OR6Q1: variants seen among roughly 807,000 people sequenced by gnomAD.
OR6Q1 encodes the protein olfactory receptor 6Q1.
For missense variants in OR6Q1, 387 were observed against 381.7 expected (o/e 1.01, Z -0.12); for synonymous variants, 144 against 148.9 (o/e 0.97, Z 0.24).
Position 58,031,671 on chromosome 11 carries a change from A to C in OR6Q1, c.719A>C (p.Lys240Thr). 6.2e-7 allele frequency: 1 copy of C among 1,613,842 alleles called. No homozygotes were observed. Among genetic ancestry groups the C allele is most frequent in the Non-Finnish European group, 8.5e-7 (1 of 1,179,828 alleles). ...LHIRSAAERW[K>T]AFSTCAAHLT... is the part of the protein sequence containing the mutation. Reference sequence around the variant, plus strand: ...ATCCGCTCAGCTGCTGAGCGCTGGAAGGCCTTCTCTACCTGTGCAGCTCAC... The same window carrying C: ...ATCCGCTCAGCTGCTGAGCGCTGGACGGCCTTCTCTACCTGTGCAGCTCAC... Residue 240 changes from lysine to threonine, a missense_variant, in exon 1 of 1, where the codon AAG becomes ACG. Coordinates refer to ENST00000302622, the MANE Select transcript of OR6Q1 (RefSeq NM_001005186.2).
chr11:58,031,102 G>A lies in OR6Q1; in HGVS notation c.150G>A (p.Val50=), dbSNP rs1853028542. ...TGGAGAATTTGGCCATCATTTTAGT[G>A]GTGGGTTTGGACCACCGACTACGGA... ...TLVENLAIIL[V]VGLDHRLRRP... Residue 50 remains valine (V), a synonymous_variant, in exon 1 of 1, where the codon GTG becomes GTA. Coordinates refer to ENST00000302622, the MANE Select transcript of OR6Q1 (RefSeq NM_001005186.2). The A allele has an allele frequency of 6.2e-7, 1 of 1,613,972 alleles. No homozygotes were observed. Among genetic ancestry groups the A allele is most frequent in the Admixed American group, 1.7e-5 (1 of 59,982 alleles).
At position 58,031,423 on chromosome 11, in the gene OR6Q1, C is replaced by T; in HGVS notation, c.471C>T (p.Phe157=). Residue 157 remains phenylalanine (F), a synonymous_variant, in exon 1 of 1, where the codon TTC becomes TTT. Transcript: ENST00000302622. ...CAGCTGCCTGTTGGCTGGTAGGTTT[C>T]CTCACACCCATCTTGCCAATCTACC... ...RLAAACWLVG[F]LTPILPIYLL... is the part of the protein sequence containing the mutation. The T allele has an allele frequency of 1.9e-6, 3 of 1,614,158 alleles. No homozygotes were observed. Among genetic ancestry groups the T allele is most frequent in the Non-Finnish European group, 2.5e-6 (3 of 1,180,010 alleles).
chr11:58,031,812 C>G lies in OR6Q1; in HGVS notation c.860C>G (p.Pro287Arg), dbSNP rs1853043885. 2 of 1,614,108 alleles carry G rather than the reference C, an allele frequency of 1.2e-6. No individual in the cohort carries two copies. The highest frequency in any genetic ancestry group is 1.7e-6 in the Non-Finnish European group (2 of 1,179,950). ...TCTGTCTTCTACTCTGTTGTCACGC[C>G]CATGCTCAATCCTCTCATCTACAGT... ...VVSVFYSVVT[P>R]MLNPLIYSLR... Residue 287 changes from proline (P) to arginine (R), a missense_variant, in exon 1 of 1, where the codon CCC becomes CGC. Pro to Arg is a moderately radical substitution (Grantham distance 103). Transcript: ENST00000302622.
At position 58,031,141 on chromosome 11, in the gene OR6Q1, CT is replaced by C. The variant is rs1194579464; in HGVS notation, c.191del (p.Phe64SerfsTer2). ...ACCGACTACGGAGACCCATGTATTTCTTCCTGACACACTTGTCCTGCCTTGA... is the reference window on the plus strand; with the variant it reads ...ACCGACTACGGAGACCCATGTATTTCTCCTGACACACTTGTCCTGCCTTGA... ...DHRLRRPMYF[F>X]LTHLSCLEIW... is the part of the protein sequence containing the mutation. On this transcript the variant is annotated frameshift_variant, in exon 1 of 1. Coordinates refer to ENST00000302622, the MANE Select transcript of OR6Q1 (RefSeq NM_001005186.2). LOFTEE classifies it low-confidence loss of function (END_TRUNC). 1.2e-6 allele frequency: 2 copies of C among 1,614,108 alleles called. No homozygotes were observed. Among genetic ancestry groups the C allele is most frequent in the African/African-American group, 1.3e-5 (1 of 74,938 alleles).
Position 58,031,827 on chromosome 11 carries a change from T to C in OR6Q1, c.875T>C (p.Leu292Pro). ...YSVVTPMLNP[L>P]IYSLRNKEVK... is the part of the protein sequence containing the mutation. Reference sequence around the variant, plus strand: ...GTTGTCACGCCCATGCTCAATCCTCTCATCTACAGTCTTAGGAACAAGGAA... The same window carrying C: ...GTTGTCACGCCCATGCTCAATCCTCCCATCTACAGTCTTAGGAACAAGGAA... The change falls in exon 1 of 1, where the codon CTC becomes CCC. Residue 292 changes from leucine to proline, a missense_variant. Transcript: ENST00000302622. 1.2e-6 allele frequency: 2 copies of C among 1,614,136 alleles called. No individual in the cohort carries two copies. The highest frequency in any genetic ancestry group is 2.7e-5 in the African/African-American group (2 of 75,046).
Position 58,031,179 on chromosome 11 carries a change from C to G in OR6Q1, c.227C>G (p.Thr76Ser), listed in dbSNP as rs758879592. ...TTGTCCTGCCTTGAAATCTGGTACACTTCTGTTACAGTGCCCAAGATGCTG... is the reference window on the plus strand; with the variant it reads ...TTGTCCTGCCTTGAAATCTGGTACAGTTCTGTTACAGTGCCCAAGATGCTG... ...THLSCLEIWY[T>S]SVTVPKMLAG... Residue 76 changes from threonine to serine, a missense_variant, in exon 1 of 1, where the codon ACT (threonine) becomes AGT (serine). Physicochemically the swap from Thr to Ser is moderately conservative, Grantham distance 58. Coordinates refer to ENST00000302622, the MANE Select transcript of OR6Q1 (RefSeq NM_001005186.2). 6.2e-7 allele frequency: 1 copy of G among 1,614,150 alleles called. No homozygotes were observed. The highest frequency in any genetic ancestry group is 1.7e-5 in the Admixed American group (1 of 60,020).
At position 58,031,590 on chromosome 11, in the gene OR6Q1, C is replaced by G. The variant is rs763224776; in HGVS notation, c.638C>G (p.Ala213Gly). 6.2e-7 allele frequency: 1 copy of G among 1,614,044 alleles called. No individual in the cohort carries two copies. The highest frequency in any genetic ancestry group is 1.1e-5 in the South Asian group (1 of 91,082). Residue 213 changes from alanine to glycine, a missense_variant, in exon 1 of 1, where the codon GCC becomes GGC. Coordinates refer to ENST00000302622, the MANE Select transcript of OR6Q1 (RefSeq NM_001005186.2). The part of the protein sequence containing the change: ...DFLVSLAVLL[A>G]SSMVIAVSYG... The stretch of plus-strand genomic sequence containing the variant: ...CTGGTGTCTCTGGCTGTGCTACTGG[C>G]CTCCTCTATGGTCATTGCTGTGTCC...
rs748995189 is a variant in OR6Q1, at chr11:58,031,510, A to G, written c.558A>G (p.Ser186=). The G allele has an allele frequency of 9.3e-5, 150 of 1,613,740 alleles. No homozygotes were observed. Among genetic ancestry groups the G allele is most frequent in the Non-Finnish European group, 1.3e-4 (148 of 1,179,974 alleles). The change falls in exon 1 of 1, where the codon TCA becomes TCG. Residue 186 remains serine, a synonymous_variant. Transcript: ENST00000302622. ...TTGACCATTTCTCCTGTGATGCCTCACCCTTGCTAGCCTTGTCGTGCTCAG... is the reference window on the plus strand; with the variant it reads ...TTGACCATTTCTCCTGTGATGCCTCGCCCTTGCTAGCCTTGTCGTGCTCAG... ...NVIDHFSCDA[S]PLLALSCSDV...
chr11:58,031,764 C>T lies in OR6Q1; in HGVS notation c.812C>T (p.Ser271Phe). Residue 271 changes from serine to phenylalanine, a missense_variant, in exon 1 of 1, where the codon TCC becomes TTC. Ser to Phe is a radical substitution (Grantham distance 155). Transcript: ENST00000302622. The stretch of plus-strand genomic sequence containing the variant: ...TATGTCCAGACCAAGGTGACCTCCT[C>T]CATCAACTTCAACAAGGTGGTATCT... ...FMYVQTKVTS[S>F]INFNKVVSVF... The T allele has an allele frequency of 1.2e-6, 2 of 1,614,044 alleles. No individual in the cohort carries two copies. Among genetic ancestry groups the T allele is most frequent in the Non-Finnish European group, 1.7e-6 (2 of 1,179,920 alleles).
At position 58,031,169 on chromosome 11, in the gene OR6Q1, A is replaced by G. The variant is rs374710133; in HGVS notation, c.217A>G (p.Ile73Val). 128 of 1,614,066 alleles carry G rather than the reference A, an allele frequency of 7.9e-5. No individual in the cohort carries two copies. Among genetic ancestry groups the G allele is most frequent in the Non-Finnish European group, 1.1e-4 (124 of 1,180,026 alleles). The change falls in exon 1 of 1, where the codon ATC (isoleucine) becomes GTC (valine). Residue 73 changes from isoleucine (I) to valine (V), a missense_variant. Coordinates refer to ENST00000302622, the MANE Select transcript of OR6Q1 (RefSeq NM_001005186.2). ...CCTGACACACTTGTCCTGCCTTGAAATCTGGTACACTTCTGTTACAGTGCC... is the reference window on the plus strand; with the variant it reads ...CCTGACACACTTGTCCTGCCTTGAAGTCTGGTACACTTCTGTTACAGTGCC... ...FFLTHLSCLE[I>V]WYTSVTVPKM...
rs780999811 is a variant in OR6Q1, at chr11:58,031,643, C to T, written c.691C>T (p.His231Tyr). 4.3e-6 allele frequency: 7 copies of T among 1,613,792 alleles called. No individual in the cohort carries two copies. Among genetic ancestry groups the T allele is most frequent in the Non-Finnish European group, 5.9e-6 (7 of 1,179,824 alleles). ...SYGNIVWTLL[H>Y]IRSAAERWKA... ...TGGCAACATCGTCTGGACACTGCTG[C>T]ACATCCGCTCAGCTGCTGAGCGCTG... The change falls in exon 1 of 1, where the codon CAC becomes TAC. Residue 231 changes from histidine (H) to tyrosine (Y), a missense_variant. Coordinates refer to ENST00000302622, the MANE Select transcript of OR6Q1 (RefSeq NM_001005186.2).
At position 58,031,630 on chromosome 11, in the gene OR6Q1, C is replaced by T; in HGVS notation, c.678C>T (p.Val226=). Residue 226 remains valine, a synonymous_variant, in exon 1 of 1, where the codon GTC becomes GTT. Coordinates refer to ENST00000302622, the MANE Select transcript of OR6Q1 (RefSeq NM_001005186.2). ...MVIAVSYGNI[V]WTLLHIRSAA... ...TTGCTGTGTCCTATGGCAACATCGT[C>T]TGGACACTGCTGCACATCCGCTCAG... 1.2e-6 allele frequency: 2 copies of T among 1,608,652 alleles called. No individual in the cohort carries two copies. Among genetic ancestry groups the T allele is most frequent in the Non-Finnish European group, 1.7e-6 (2 of 1,177,084 alleles).
Position 58,031,334 on chromosome 11 carries a change from G to A in OR6Q1, c.382G>A (p.Val128Met), listed in dbSNP as rs772853912. ...LLAAMAYDRY[V>M]AICMPLHYGA... Reference sequence around the variant, plus strand: ...GGCTGCCATGGCCTATGATCGTTATGTGGCCATTTGTATGCCTCTCCACTA... The same window carrying A: ...GGCTGCCATGGCCTATGATCGTTATATGGCCATTTGTATGCCTCTCCACTA... Residue 128 changes from valine (V) to methionine (M), a missense_variant, in exon 1 of 1, where the codon GTG (valine) becomes ATG (methionine). Val to Met is a conservative substitution (Grantham distance 21, BLOSUM62 1). Transcript: ENST00000302622. The A allele has an allele frequency of 6.2e-7, 1 of 1,614,148 alleles. No individual in the cohort carries two copies. Among genetic ancestry groups the A allele is most frequent in the East Asian group, 2.2e-5 (1 of 44,878 alleles).
Position 58,031,186 on chromosome 11 carries a change from T to C in OR6Q1, c.234T>C (p.Val78=), listed in dbSNP as rs911858939. ...LSCLEIWYTS[V]TVPKMLAGFI... ...GCCTTGAAATCTGGTACACTTCTGT[T>C]ACAGTGCCCAAGATGCTGGCTGGTT... The change falls in exon 1 of 1, where the codon GTT becomes GTC. Residue 78 remains valine (V), a synonymous_variant. Transcript: ENST00000302622. The C allele has an allele frequency of 6.2e-7, 1 of 1,614,048 alleles. No individual in the cohort carries two copies. Among genetic ancestry groups the C allele is most frequent in the African/African-American group, 1.3e-5 (1 of 74,938 alleles).
Position 58,031,711 on chromosome 11 carries a change from C to G in OR6Q1, c.759C>G (p.Ser253Arg). The G allele has an allele frequency of 2.5e-6, 4 of 1,613,838 alleles. No individual in the cohort carries two copies. Among genetic ancestry groups the G allele is most frequent in the Non-Finnish European group, 3.4e-6 (4 of 1,179,920 alleles). The change falls in exon 1 of 1, where the codon AGC (serine) becomes AGG (arginine). Residue 253 changes from serine to arginine, a missense_variant. Transcript: ENST00000302622. ...STCAAHLTVV[S>R]LFYGTLFFMY... ...GTGCAGCTCACCTGACTGTGGTGAG[C>G]CTCTTCTATGGCACTCTTTTCTTTA...
Position 58,031,627 on chromosome 11 carries a change from C to G in OR6Q1, c.675C>G (p.Ile225Met). 1 of 1,608,686 alleles carries G rather than the reference C, an allele frequency of 6.2e-7. No individual in the cohort carries two copies. Among genetic ancestry groups the G allele is most frequent in the African/African-American group, 1.4e-5 (1 of 73,676 alleles). Residue 225 changes from isoleucine to methionine, a missense_variant, in exon 1 of 1, where the codon ATC becomes ATG. Coordinates refer to ENST00000302622, the MANE Select transcript of OR6Q1 (RefSeq NM_001005186.2). ...SMVIAVSYGN[I>M]VWTLLHIRSA... The stretch of plus-strand genomic sequence containing the variant: ...TCATTGCTGTGTCCTATGGCAACAT[C>G]GTCTGGACACTGCTGCACATCCGCT...
Position 58,031,454 on chromosome 11 carries a change from T to TC in OR6Q1, c.503dup (p.Gln169SerfsTer11). ...ACCCATCTTGCCAATCTACCTCTTGTCTCAGCTAACATTTTATGGCCCAAA... is the reference window on the plus strand; with the variant it reads ...ACCCATCTTGCCAATCTACCTCTTGTCCTCAGCTAACATTTTATGGCCCAAA... On this transcript the variant is annotated frameshift_variant, in exon 1 of 1. Transcript: ENST00000302622. LOFTEE classifies it low-confidence loss of function (END_TRUNC). 6.2e-7 allele frequency: 1 copy of TC among 1,614,170 alleles called. No individual in the cohort carries two copies. Among genetic ancestry groups the TC allele is most frequent in the Non-Finnish European group, 8.5e-7 (1 of 1,180,016 alleles).
rs778531348 is a variant in OR6Q1 at position 58,031,737 on chromosome 11, T to C, written c.785T>C (p.Met262Thr). The C allele has an allele frequency of 9.3e-6, 15 of 1,614,026 alleles. No homozygotes were observed. Among genetic ancestry groups the C allele is most frequent in the African/African-American group, 1.3e-5 (1 of 74,936 alleles). ...VSLFYGTLFFMYVQTKVTSSI... is the reference protein window; with the variant it reads ...VSLFYGTLFFTYVQTKVTSSI... ...CTCTTCTATGGCACTCTTTTCTTTA[T>C]GTATGTCCAGACCAAGGTGACCTCC... The change falls in exon 1 of 1, where the codon ATG becomes ACG. Residue 262 changes from methionine (M) to threonine (T), a missense_variant. Physicochemically the swap from Met to Thr is moderately conservative, Grantham distance 81. Coordinates refer to ENST00000302622, the MANE Select transcript of OR6Q1 (RefSeq NM_001005186.2).
rs1043342579 is a variant in OR6Q1 at position 58,031,637 on chromosome 11, C to T, written c.685C>T (p.Leu229=). 9.2e-7 allele frequency: 1 copy of T among 1,082,434 alleles called. No individual in the cohort carries two copies. The highest frequency in any genetic ancestry group is 1.5e-5 in the South Asian group (1 of 68,882). 67.1% of individuals were successfully genotyped at this position (1,082,434 alleles called of 1,614,324 possible). A position where few individuals can be genotyped will look rare whatever the true frequency, so the allele number is the denominator to read the frequency against. ...AVSYGNIVWT[L]LHIRSAAERW... is the part of the protein sequence containing the mutation. ...GTCCTATGGCAACATCGTCTGGACA[C>T]TGCTGCACATCCGCTCAGCTGCTGA... The change falls in exon 1 of 1, where the codon CTG becomes TTG. Residue 229 remains leucine, a synonymous_variant. Coordinates refer to ENST00000302622, the MANE Select transcript of OR6Q1 (RefSeq NM_001005186.2).
Sources: gnomAD v4.1 joint callset for allele counts on GRCh38, gnomAD v4.1.1 for gene constraint, MANE v1.5 for transcripts, NCBI Gene and HGNC (gene_info 2026-07-23, HGNC 2026-07-21) for gene names.